Variants in MAF observed in about 807,000 individuals in gnomAD.
MAF encodes transcription factor Maf.
A neutral mutation model predicts 22.0 loss-of-function variants in MAF; 10 were observed. The observed-to-expected ratio is 0.45, with a 90% CI of 0.28 to 0.77. MAF has a LOEUF of 0.77. Among genes scored for constraint, MAF ranks in the 30% least tolerant of loss-of-function variants. MAF has a pLI of 0.12. For missense variants in MAF, 544 were observed against 548.4 expected (o/e 0.99, Z 0.08); for synonymous variants, 337 against 255.8 (o/e 1.32, Z -3.03).
chr16:79,426,801 C>G, the MAF span, among the ~76,000 whole-genome samples: 19 of 152,350 alleles, frequency 1.2e-4, no homozygotes, highest in East Asian at 3.7e-3. Flanking sequence ...CCCTCTGGGT[C>G]TGTTAGCAGG....
the MAF span, among the ~76,000 whole-genome samples, chr16:79,578,087 G>C: frequency 2.0e-5 from 3 of 152,068 alleles, no homozygotes; most frequent in East Asian, 1.9e-4. Context: ...AAGCAGAATA[G>C]CTGTTTTAAA....
chr16:79,350,180 G>A, the MAF span, among the ~76,000 whole-genome samples: 2 of 152,290 alleles, frequency 1.3e-5, no homozygotes, highest in African/African-American at 4.8e-5. Context: ...TCCAAATGAG[G>A]ATTTGTTAAA....
the MAF span, among the ~76,000 whole-genome samples, chr16:79,538,721 G>T: frequency 6.6e-6 from 1 of 152,060 alleles, no homozygotes; most frequent in African/African-American, 2.4e-5. Context: ...AGCTACTCAG[G>T]AGGCTGAGGC....
the MAF span, among the ~76,000 whole-genome samples, chr16:79,293,943 G>A: frequency 1.3e-5 from 2 of 152,008 alleles, no homozygotes; most frequent in Admixed American, 6.6e-5. Context: ...TGTACTCCAC[G>A]GTTGGTAGGT....
chr16:79,392,455 G>A, the MAF span, among the ~76,000 whole-genome samples: 2 of 149,776 alleles, frequency 1.3e-5, no homozygotes, highest in African/African-American at 4.9e-5. Context: ...AGGAGGAGAA[G>A]GGAAGGGAGT....
the MAF span, among the ~76,000 whole-genome samples, chr16:79,456,538 G>T: frequency 6.6e-6 from 1 of 152,270 alleles, no homozygotes; most frequent in South Asian, 2.1e-4. Context: ...AATGAGCATA[G>T]ATTACTCCAG....
the MAF span, among the ~76,000 whole-genome samples, chr16:79,305,371 A>C: frequency 6.6e-6 from 1 of 152,278 alleles, no homozygotes; most frequent in Non-Finnish European, 1.5e-5. Flanking sequence ...CTCCAGTCCC[A>C]ACCTACTTCC....
chr16:79,220,989 T>C, the MAF span, among the ~76,000 whole-genome samples: 1 of 152,148 alleles, frequency 6.6e-6, no homozygotes. Flanking sequence ...GACAGGAGCA[T>C]TGTGTCAGCG....
chr16:79,323,229 T>C, the MAF span, among the ~76,000 whole-genome samples: 1 of 115,762 alleles, frequency 8.6e-6, no homozygotes, highest in African/African-American at 3.2e-5. Flanking sequence ...AACAGAAAAG[T>C]CAGTCTAGTC....
the MAF span, among the ~76,000 whole-genome samples, chr16:79,247,281 G>T: frequency 1.3e-5 from 2 of 152,182 alleles, no homozygotes; most frequent in Admixed American, 6.5e-5. Context: ...AGAAGAAAAG[G>T]CATCTTGAAA....
At chr16:79,251,761 G>C in the MAF span, among the ~76,000 whole-genome samples, 1 of 152,166 alleles carries the variant, frequency 6.6e-6, no homozygotes, top group African/African-American at 2.4e-5. Context: ...TGGGGGCCTG[G>C]GCTGGGTCTT....
At chr16:79,351,308 G>C in the MAF span, among the ~76,000 whole-genome samples, 1 of 152,194 alleles carries the variant, frequency 6.6e-6, no homozygotes, top group South Asian at 2.1e-4. Flanking sequence ...AGTAGAGGTA[G>C]CTCTCTACTA....
At chr16:79,281,855 C>A in the MAF span, among the ~76,000 whole-genome samples, 1 of 152,138 alleles carries the variant, frequency 6.6e-6, no homozygotes, top group Non-Finnish European at 1.5e-5. Flanking sequence ...ACAGCACACA[C>A]TCTCCCCTAA....
At chr16:79,528,568 G>T in the MAF span, among the ~76,000 whole-genome samples, 1 of 151,908 alleles carries the variant, frequency 6.6e-6, no homozygotes, top group Non-Finnish European at 1.5e-5. Flanking sequence ...GCTCAGCCCT[G>T]GTGAATGTCA....
At chr16:79,224,458 G>T in the MAF span, among the ~76,000 whole-genome samples, 2 of 152,260 alleles carry the variant, frequency 1.3e-5, no homozygotes, top group South Asian at 4.1e-4. Context: ...ACAAGACAAG[G>T]ATGCCCTCTC....
chr16:79,249,097 T>C, the MAF span, among the ~76,000 whole-genome samples: 2 of 152,186 alleles, frequency 1.3e-5, no homozygotes, highest in African/African-American at 2.4e-5. Flanking sequence ...ATGAGGGCTC[T>C]GTCTACATGG....
At chr16:79,507,494 G>A in the MAF span, among the ~76,000 whole-genome samples, 14 of 150,294 alleles carry the variant, frequency 9.3e-5, 1 homozygote, top group South Asian at 6.3e-4. Flanking sequence ...GCATGATCTC[G>A]GCTCACTGCA....
the MAF span, among the ~76,000 whole-genome samples, chr16:79,377,885 A>G: frequency 1.3e-5 from 2 of 152,086 alleles, no homozygotes; most frequent in Admixed American, 6.5e-5. Flanking sequence ...CCATTGGTCT[A>G]TATCTCTGTT....
At chr16:79,270,906 T>TTA in the MAF span, among the ~76,000 whole-genome samples, 28 of 151,006 alleles carry the variant, frequency 1.9e-4, no homozygotes, top group South Asian at 4.9e-3. Context: ...CAGAGTTTTT[T>TTA]TTTTTTTTAA....
Sources: gnomAD v4.1 joint callset for allele counts (sites outside exome capture counted in the v4.1 genomes callset) on GRCh38, gnomAD v4.1.1 for gene constraint, MANE v1.5 for transcripts, NCBI Gene and HGNC (gene_info 2026-07-23, HGNC 2026-07-21) for gene names.